Variants in ATP11A observed in about 807,000 individuals in gnomAD.
The protein encoded by ATP11A is phospholipid-transporting ATPase IH.
Under a neutral mutation model 154.4 loss-of-function variants are expected in ATP11A, and 81 were observed. That is an observed-to-expected ratio of 0.52 (90% CI 0.44 to 0.63). The LOEUF is 0.63. Ranked by LOEUF, ATP11A falls within the 30% of genes least tolerant of loss-of-function variation. The probability of loss-of-function intolerance (pLI) is 0.00; values close to 1 mark genes in which losing one functional copy is unlikely to be tolerated. For synonymous variants in ATP11A, 623 were observed against 585.9 expected, an observed-to-expected ratio of 1.06 and a Z score of -0.91; for missense variants, 1,316 against 1,474.3, an observed-to-expected ratio of 0.89 and a Z score of 1.76.
In ATP11A at chr13:112,833,024, G is replaced by A. The variant is rs1466003259; in HGVS notation, c.1559+1G>A. On this transcript the variant is annotated splice_donor_variant, in intron 14 of 29. Coordinates refer to ENST00000375645, the MANE Select transcript of ATP11A (RefSeq NM_015205.3). LOFTEE classifies it high-confidence loss of function. ...TGGCGCTGGTCGAAGGTGTCCAGAG[G>A]TACGTCGCGGGCCAAGGGTCTGCCT... The A allele has an allele frequency of 9.3e-6, 15 of 1,609,950 alleles. No homozygotes were observed. Among genetic ancestry groups the A allele is most frequent in the Non-Finnish European group, 1.3e-5 (15 of 1,178,044 alleles).
At chr13:112,865,468 A>G (rs904128280) in intron 25 of ATP11A, among the ~76,000 whole-genome samples, 1 of 151,496 alleles carries the variant, frequency 6.6e-6, no homozygotes, top group African/African-American at 2.4e-5. Context: ...ACATGTGCAT[A>G]GCTCTGGGTC....
At chr13:112,791,329 G>GT (rs933380327) in intron 2 of ATP11A, among the ~76,000 whole-genome samples, 3 of 152,244 alleles carry the variant, frequency 2.0e-5, no homozygotes, top group African/African-American at 7.2e-5. Flanking sequence ...GATGGGGGCC[G>GT]TGAAGGCATC....
chr13:112,825,350 G>A lies in ATP11A; in HGVS notation c.873-80G>A, dbSNP rs1347927011. The A allele has an allele frequency of 3.4e-6, 5 of 1,465,552 alleles. No homozygotes were observed. The African/African-American group carries it at 5.6e-5, about 17-fold the overall frequency. 90.8% of individuals were successfully genotyped at this position (1,465,552 alleles called of 1,614,324 possible). A position where few individuals can be genotyped will look rare whatever the true frequency, so the allele number is the denominator to read the frequency against. On this transcript the variant is annotated intron_variant, in intron 10 of 29. Coordinates refer to ENST00000375645, the MANE Select transcript of ATP11A (RefSeq NM_015205.3). ...TTCCTATTCTGTTTCTTCACGAGGTGTCATCTTGATATCTGTGAGAAGGAA... is the reference window on the plus strand; with the variant it reads ...TTCCTATTCTGTTTCTTCACGAGGTATCATCTTGATATCTGTGAGAAGGAA...
intron 24 of ATP11A, 72 bp downstream of exon 24, chr13:112,860,486 A>G (rs569021802): frequency 1.1e-5 from 18 of 1,584,450 alleles, no homozygotes; most frequent in African/African-American, 2.7e-5. Flanking sequence ...GTTCCTTCCA[A>G]TAGCCACCTG....
intron 2 of ATP11A, among the ~76,000 whole-genome samples, chr13:112,799,465 C>G (rs977370656): frequency 1.3e-5 from 2 of 151,638 alleles, no homozygotes; most frequent in Non-Finnish European, 2.9e-5. Flanking sequence ...TGGAAAATTA[C>G]AGTTAAAGGT....
intron 16 of ATP11A, among the ~76,000 whole-genome samples, chr13:112,840,172 C>T (rs11843449): frequency 0.061 from 3,405 of 55,748 alleles, 438 homozygotes; most frequent in East Asian, 0.13. Flanking sequence ...TCCCATCCCC[C>T]CCAGCCTCAG....
At chr13:112,855,228 A>G (rs543126987) in intron 19 of ATP11A, among the ~76,000 whole-genome samples, 1 of 152,028 alleles carries the variant, frequency 6.6e-6, no homozygotes, top group African/African-American at 2.4e-5. Flanking sequence ...TGTTTTTGAG[A>G]TGGAGCCTCA....
chr13:112,801,609 G>T (rs968788839), intron 2 of ATP11A, among the ~76,000 whole-genome samples: 8 of 152,216 alleles, frequency 5.3e-5, no homozygotes, highest in Non-Finnish European at 7.3e-5. Context: ...GTTGCAGGAT[G>T]CAAAAATTAA....
intron 12 of ATP11A, among the ~76,000 whole-genome samples, chr13:112,829,980 G>C (rs1594816896): frequency 6.6e-6 from 1 of 152,196 alleles, no homozygotes; most frequent in South Asian, 2.1e-4. Context: ...TGCGTCCCGA[G>C]CTAACAGAAC....
chr13:112,693,555 G>C (rs1343380280), intron 1 of ATP11A, among the ~76,000 whole-genome samples: 1 of 152,030 alleles, frequency 6.6e-6, no homozygotes, highest in Non-Finnish European at 1.5e-5. Flanking sequence ...CCGTGGACTG[G>C]CGTATGTGTT....
At chr13:112,789,447 G>A (rs779794273) in intron 2 of ATP11A, among the ~76,000 whole-genome samples, 62 of 135,310 alleles carry the variant, frequency 4.6e-4, no homozygotes, top group Non-Finnish European at 7.8e-4. Context: ...CCGGTATCCT[G>A]ACATATAGAC....
At chr13:112,836,358 TTTA>T (rs923176631) in intron 16 of ATP11A, 107 bp downstream of exon 16, 85 of 614,856 alleles carry the variant, frequency 1.4e-4, no homozygotes, top group African/African-American at 1.4e-3. Context: ...TTAAGAATGA[TTTA>T]TTCTTTTTTT....
At chr13:112,821,923 A>G (rs1290083992) in intron 8 of ATP11A, among the ~76,000 whole-genome samples, 2 of 152,202 alleles carry the variant, frequency 1.3e-5, no homozygotes, top group Non-Finnish European at 2.9e-5. Flanking sequence ...ACCCATATGC[A>G]GCCTGGGAGC....
Position 112,884,007 on chromosome 13 carries a change from A to G in ATP11A, c.*2141A>G, listed in dbSNP as rs186607212. 2.0e-4 allele frequency: 31 copies of G among 152,602 alleles called. No homozygotes were observed. The highest frequency in any genetic ancestry group is 1.9e-3 in the Admixed American group (29 of 15,302). 9.5% of individuals were successfully genotyped at this position (152,602 alleles called of 1,614,324 possible). A position where few individuals can be genotyped will look rare whatever the true frequency, so the allele number is the denominator to read the frequency against. On this transcript the variant is annotated 3_prime_UTR_variant, in exon 30 of 30. Coordinates refer to ENST00000375645, the MANE Select transcript of ATP11A (RefSeq NM_015205.3). ...TCTCTTTTATTCATTTATTTAACAT[A>G]CTGTCTAATTTTAAAAATAGGTTTT...
chr13:112,773,700 C>T (rs766115877), intron 1 of ATP11A, among the ~76,000 whole-genome samples: 3 of 152,236 alleles, frequency 2.0e-5, no homozygotes, highest in Non-Finnish European at 2.9e-5. Flanking sequence ...GCAGCTGTGG[C>T]GCTGGGCTCC....
chr13:112,877,328 A>T (rs2080759408), intron 28 of ATP11A, among the ~76,000 whole-genome samples: 1 of 152,170 alleles, frequency 6.6e-6, no homozygotes, highest in Non-Finnish European at 1.5e-5. Flanking sequence ...GTGGCCCGAG[A>T]AGCAGCTGTC....
chr13:112,820,555 C>A (rs2078772180), intron 8 of ATP11A, among the ~76,000 whole-genome samples: 1 of 152,272 alleles, frequency 6.6e-6, no homozygotes, highest in African/African-American at 2.4e-5. Context: ...CCCTCAGACA[C>A]CTCATCTATG....
Position 112,880,505 on chromosome 13 carries a change from CG to C in ATP11A, c.*10-1370del, listed in dbSNP as rs1483378790. ...GAGGCCCGAGCACTCCTGGTGGCCCCGTGTGGCCCACGTCGCTCAGTATCTT... is the reference window on the plus strand; with the variant it reads ...GAGGCCCGAGCACTCCTGGTGGCCCCTGTGGCCCACGTCGCTCAGTATCTT... On this transcript the variant is annotated intron_variant, in intron 29 of 29. Coordinates refer to ENST00000375645, the MANE Select transcript of ATP11A (RefSeq NM_015205.3). 7 of 1,281,180 alleles carry C rather than the reference CG, an allele frequency of 5.5e-6. No homozygotes were observed. The East Asian group carries it at 4.0e-4, about 73-fold the overall frequency. 79.4% of individuals were successfully genotyped at this position (1,281,180 alleles called of 1,614,324 possible). A position where few individuals can be genotyped will look rare whatever the true frequency, so the allele number is the denominator to read the frequency against.
At chr13:112,830,938 G>C (rs1400931001) in intron 12 of ATP11A, among the ~76,000 whole-genome samples, 1 of 152,154 alleles carries the variant, frequency 6.6e-6, no homozygotes, top group East Asian at 1.9e-4. Context: ...CTCCAAGACT[G>C]TATAGAGTAA....
Sources: gnomAD v4.1 joint callset for allele counts (sites outside exome capture counted in the v4.1 genomes callset) on GRCh38, gnomAD v4.1.1 for gene constraint, MANE v1.5 for transcripts, NCBI Gene and HGNC (gene_info 2026-07-23, HGNC 2026-07-21) for gene names.